HDX: variants seen among roughly 807,000 people sequenced by gnomAD.
HDX encodes chromosome X open reading frame 43.
Under a neutral mutation model 45.2 loss-of-function variants are expected in HDX, and 19 were observed. The observed-to-expected ratio is 0.42, with a 90% CI of 0.29 to 0.62. The LOEUF (loss-of-function observed/expected upper bound fraction) is 0.62. HDX is among the 20% of genes least tolerant of loss of function. HDX has a pLI of 0.20. For missense variants in HDX, 532 were observed against 493.9 expected, an observed-to-expected ratio of 1.08 and a Z score of -0.73; for synonymous variants, 188 against 172.8, an observed-to-expected ratio of 1.09 and a Z score of -0.69.
intron 10 of HDX, among the ~76,000 whole-genome samples, chrX:84,325,380 T>G (rs2147752109): frequency 9.0e-6 from 1 of 111,653 alleles, no homozygotes; most frequent in Non-Finnish European, 1.9e-5. Flanking sequence ...TACATATGTC[T>G]CACACTACTC....
At chrX:84,350,923 G>A (rs889355486) in intron 6 of HDX, among the ~76,000 whole-genome samples, 2 of 111,025 alleles carry the variant, frequency 1.8e-5, no homozygotes, top group Non-Finnish European at 3.8e-5. Flanking sequence ...TTCCTGTGGG[G>A]TATTTTTAAA....
At chrX:84,421,088 A>C (rs977891892) in intron 5 of HDX, among the ~76,000 whole-genome samples, 1 of 112,005 alleles carries the variant, frequency 8.9e-6, no homozygotes, top group Non-Finnish European at 1.9e-5. Flanking sequence ...GAAGGTACAT[A>C]ATTCATTGGT....
intron 4 of HDX, among the ~76,000 whole-genome samples, chrX:84,464,651 C>T (rs1823307266): frequency 9.0e-6 from 1 of 111,724 alleles, no homozygotes; most frequent in Admixed American, 9.5e-5. Flanking sequence ...GAACCCCTTC[C>T]TTACACCTTA....
At chrX:84,468,157 A>G (rs2040387481) in intron 4 of HDX, among the ~76,000 whole-genome samples, 1 of 111,459 alleles carries the variant, frequency 9.0e-6, no homozygotes, top group South Asian at 3.8e-4. Flanking sequence ...CATGAGCCCG[A>G]CCAATTTAAC....
rs1310724475 is a variant in HDX, at chrX:84,463,050, G to T, written c.1251+5422C>A. On this transcript the variant is annotated intron_variant, in intron 4 of 10. Coordinates refer to ENST00000373177, the MANE Select transcript of HDX (RefSeq NM_001177479.2). ...GGATGCCGTGTGCTAATGGGTATGGGGTTCATTTTTGAGGTGATTAAATGT... is the reference window on the plus strand; with the variant it reads ...GGATGCCGTGTGCTAATGGGTATGGTGTTCATTTTTGAGGTGATTAAATGT... Among the ~76,000 whole-genome samples the T allele has an allele frequency of 2.7e-5, 3 of 110,539 alleles. No homozygotes were observed. In the East Asian group the frequency reaches 8.5e-4, roughly 31 times the overall value.
At position 84,321,789 on chromosome X, in the gene HDX, T is replaced by TCCC; in HGVS notation, c.*97_*99dup. 3.0e-6 allele frequency: 2 copies of TCCC among 665,225 alleles called. No individual in the cohort carries two copies. The highest frequency in any genetic ancestry group is 8.4e-5 in the South Asian group (2 of 23,907). The allele number at this position is 665,225 out of a possible 1,213,427, so 54.8% of individuals were successfully genotyped here. ...ATACGTCCGTTTCAACAATGTGTTT[T>TCCC]CCCAACTAAAGAATACCAGGGCAAC... On this transcript the variant is annotated 3_prime_UTR_variant, in exon 11 of 11. Coordinates refer to ENST00000373177, the MANE Select transcript of HDX (RefSeq NM_001177479.2).
At chrX:84,335,423 T>TA (rs1157249694) in intron 8 of HDX, among the ~76,000 whole-genome samples, 3 of 111,347 alleles carry the variant, frequency 2.7e-5, no homozygotes, top group Non-Finnish European at 5.7e-5. Context: ...ATTTTGTTTC[T>TA]AAAAAATCAA....
At chrX:84,378,721 A>C (rs2038117464) in intron 5 of HDX, among the ~76,000 whole-genome samples, 1 of 111,496 alleles carries the variant, frequency 9.0e-6, no homozygotes, top group African/African-American at 3.2e-5. Context: ...TAGAGGAAGA[A>C]AGGAATGAAA....
At chrX:84,331,933 A>G (rs944611853) in intron 9 of HDX, among the ~76,000 whole-genome samples, 19 of 111,623 alleles carry the variant, frequency 1.7e-4, no homozygotes, top group African/African-American at 5.2e-4. Flanking sequence ...AAATTGCCTA[A>G]CAATGCATTT....
At chrX:84,479,207 T>TC (rs1468025399) in intron 2 of HDX, among the ~76,000 whole-genome samples, 1 of 111,336 alleles carries the variant, frequency 9.0e-6, no homozygotes, top group African/African-American at 3.3e-5. Context: ...CCCAAAAATT[T>TC]CCCTTATGCT....
intron 5 of HDX, among the ~76,000 whole-genome samples, chrX:84,371,153 T>C (rs144483294): frequency 0.034 from 3,834 of 111,701 alleles, 178 homozygotes; most frequent in African/African-American, 0.12. Context: ...TTCTCCTCAG[T>C]GCAAAACAGT....
chrX:84,367,270 T>C (rs777295082), intron 5 of HDX, among the ~76,000 whole-genome samples: 5 of 112,402 alleles, frequency 4.4e-5, no homozygotes, highest in Non-Finnish European at 9.4e-5. Flanking sequence ...TCACTGGTCA[T>C]TAGAGAAATG....
intron 5 of HDX, among the ~76,000 whole-genome samples, chrX:84,415,670 T>C (rs141152932): frequency 0.015 from 1,663 of 112,405 alleles, 39 homozygotes; most frequent in African/African-American, 0.051. Flanking sequence ...TTTTAAATCT[T>C]CTAAAACCTG....
chrX:84,395,378 A>G (rs758505811), intron 5 of HDX, among the ~76,000 whole-genome samples: 36 of 107,833 alleles, frequency 3.3e-4, no homozygotes, highest in Non-Finnish European at 6.1e-4. Flanking sequence ...TTTTTCCCCA[A>G]TACTTTAATT....
intron 6 of HDX, among the ~76,000 whole-genome samples, chrX:84,352,260 C>T (rs1180219412): frequency 2.7e-5 from 3 of 111,662 alleles, no homozygotes; most frequent in African/African-American, 9.7e-5. Flanking sequence ...GGGAATTTTC[C>T]CTTCAAGTTT....
chrX:84,488,311 G>T (rs779292411), intron 1 of HDX, among the ~76,000 whole-genome samples, 179 bp from the exon 2 acceptor site: 1 of 82,099 alleles, frequency 1.2e-5, no homozygotes, highest in South Asian at 6.8e-4. Flanking sequence ...GATATTACTG[G>T]TTTAAAATCT....
chrX:84,425,927 A>G (rs1178711818), intron 5 of HDX, among the ~76,000 whole-genome samples: 2 of 110,152 alleles, frequency 1.8e-5, no homozygotes, highest in Non-Finnish European at 3.8e-5. Context: ...TCAATAATAA[A>G]TTAATGGTAA....
chrX:84,467,073 C>T (rs1428756685), intron 4 of HDX, among the ~76,000 whole-genome samples: 2 of 111,124 alleles, frequency 1.8e-5, no homozygotes, highest in Non-Finnish European at 3.8e-5. Flanking sequence ...CAATGTTACT[C>T]TAAGCATGCT....
At chrX:84,460,380 G>T (rs1446789896) in intron 4 of HDX, among the ~76,000 whole-genome samples, 1 of 112,025 alleles carries the variant, frequency 8.9e-6, no homozygotes, top group South Asian at 3.7e-4. Context: ...CTTAAAGATG[G>T]TTAAACTTAT....
Sources: gnomAD v4.1 joint callset for allele counts (sites outside exome capture counted in the v4.1 genomes callset) on GRCh38, gnomAD v4.1.1 for gene constraint, MANE v1.5 for transcripts, NCBI Gene and HGNC (gene_info 2026-07-23, HGNC 2026-07-21) for gene names.